The following CUX1 variants were observed in gnomAD, a reference collection of about 807,000 sequenced individuals.
CUX1 encodes protein CASP.
In CUX1, 31 loss-of-function variants were observed where a neutral mutation model predicts 158.8. That is an observed-to-expected ratio of 0.20 (90% CI 0.15 to 0.26). CUX1 has a LOEUF of 0.26. Among genes scored for constraint, CUX1 ranks in the 10% least tolerant of loss-of-function variants. CUX1 has a pLI of 1.00. For missense variants in CUX1, 1,589 were observed against 2,014.6 expected, an observed-to-expected ratio of 0.79 and a Z score of 4.04; for synonymous variants, 879 against 862.1, an observed-to-expected ratio of 1.02 and a Z score of -0.34.
intron 17 of CUX1, among the ~76,000 whole-genome samples, chr7:102,277,124 AC>A: frequency 6.6e-6 from 1 of 152,100 alleles, no homozygotes; most frequent in East Asian, 1.9e-4. Context: ...ACGCAGTGAG[AC>A]CCCGACTCTG....
rs981885165 is a variant in CUX1 at position 102,248,020 on chromosome 7, A to C, written c.3888-392A>C. Among the ~76,000 whole-genome samples, 1 of 152,048 alleles carries C rather than the reference A, an allele frequency of 6.6e-6. No homozygotes were observed. The highest frequency in any genetic ancestry group is 1.5e-5 in the Non-Finnish European group (1 of 68,000). ...GTAGTGGGTGACTGTAATCCCAGGTACTCTGGAGGCTGAGGCAGGAGAATC... is the reference window on the plus strand; with the variant it reads ...GTAGTGGGTGACTGTAATCCCAGGTCCTCTGGAGGCTGAGGCAGGAGAATC... On this transcript the variant is annotated intron_variant, in intron 23 of 23. Coordinates refer to ENST00000292535, the MANE Select transcript of CUX1 (RefSeq NM_181552.4). The surrounding 1 kb of genome is among the most constrained non-coding windows in gnomAD (Gnocchi z 5.8).
chr7:102,037,354 CTTTTT>C (rs769552921), intron 3 of CUX1, among the ~76,000 whole-genome samples: 3 of 139,456 alleles, frequency 2.2e-5, no homozygotes, highest in Admixed American at 7.2e-5. Context: ...CTTTTCTTTT[CTTTTT>C]TTTTTTTTTT....
exon 23 of CUX1, chr7:102,283,179 C>G (rs1388471843): frequency 1.5e-5 from 17 of 1,121,382 alleles, no homozygotes; most frequent in Non-Finnish European, 2.0e-5. Context: ...CCTGAAGAAT[C>G]CCCCATGGAA....
At chr7:102,227,951 C>CTTTTTTTTTTTTT (rs781968632) in intron 21 of CUX1, among the ~76,000 whole-genome samples, 5 of 117,294 alleles carry the variant, frequency 4.3e-5, no homozygotes, top group Middle Eastern at 4.6e-3. Context: ...TCTTTTTTTT[C>CTTTTTTTTTTTTT]TTTTTTTTTT....
At chr7:101,871,553 G>C (rs1046170950) in intron 1 of CUX1, among the ~76,000 whole-genome samples, 1 of 152,078 alleles carries the variant, frequency 6.6e-6, no homozygotes, top group African/African-American at 2.4e-5. Flanking sequence ...AGTGAGACAG[G>C]TACAGGAGTG....
chr7:102,013,006 C>T (rs1190903598), intron 2 of CUX1, among the ~76,000 whole-genome samples: 4 of 151,858 alleles, frequency 2.6e-5, no homozygotes, highest in Admixed American at 6.6e-5. Flanking sequence ...TAAATTCTTG[C>T]GGTAATCCTT....
rs143828750 is a variant in CUX1, at chr7:102,025,657, A to T, written c.142-2441A>T. 1.3e-3 allele frequency among the ~76,000 whole-genome samples: 202 copies of T among 152,274 alleles called. 1 individual carries two copies. The highest frequency in any genetic ancestry group is 4.8e-3 in the African/African-American group (198 of 41,560). The stretch of plus-strand genomic sequence containing the variant: ...GGGAAAAAAAAAAGATTGGTAAAGA[A>T]TCTGATTATTTTTTGTCCTGGAGCC... On this transcript the variant is annotated intron_variant, in intron 2 of 23. Transcript: ENST00000292535.
chr7:102,158,533 C>T (rs782108212), intron 8 of CUX1, 27 bp from the exon 9 acceptor site: 8 of 1,613,566 alleles, frequency 5.0e-6, no homozygotes, highest in Non-Finnish European at 6.8e-6. Context: ...TTGTGACTAA[C>T]CTGCTCTCTC....
intron 2 of CUX1, among the ~76,000 whole-genome samples, chr7:101,990,531 C>T (rs900850058): frequency 2.0e-5 from 3 of 152,244 alleles, no homozygotes; most frequent in South Asian, 4.1e-4. Flanking sequence ...TGCCCACCAC[C>T]ATGTCTGGCT....
chr7:101,908,497 C>T (rs1803024169), intron 1 of CUX1, among the ~76,000 whole-genome samples: 1 of 146,454 alleles, frequency 6.8e-6, no homozygotes, highest in South Asian at 2.2e-4. Context: ...TGAATAGAGA[C>T]AGAGTTTCAC....
chr7:101,989,126 C>G (rs1814748688), intron 2 of CUX1, among the ~76,000 whole-genome samples: 1 of 152,160 alleles, frequency 6.6e-6, no homozygotes, highest in Non-Finnish European at 1.5e-5. Flanking sequence ...CCTGCCCCTC[C>G]ATGAACCTTC....
chr7:102,157,007 G>C (rs572207808), intron 8 of CUX1, among the ~76,000 whole-genome samples: 2 of 152,362 alleles, frequency 1.3e-5, no homozygotes, highest in Admixed American at 6.5e-5. Context: ...GGAAGTAGGA[G>C]ATGAGGTTCC....
chr7:102,139,283 C>T (rs1554499576), intron 8 of CUX1, among the ~76,000 whole-genome samples: 1 of 149,768 alleles, frequency 6.7e-6, no homozygotes, highest in East Asian at 1.9e-4. Flanking sequence ...GGTATCAACT[C>T]GACACCCAGG....
rs531177877 is a variant in CUX1, at chr7:102,215,786, G to T, written c.3130+10616G>T. The stretch of plus-strand genomic sequence containing the variant: ...CACACCGGCGTGTTCCACGGGCCAT[G>T]ATCAGCCATGGATTCTCTGAGGAAT... On this transcript the variant is annotated intron_variant, in intron 20 of 23. Transcript: ENST00000292535. Among the ~76,000 whole-genome samples the T allele has an allele frequency of 1.5e-3, 236 of 152,314 alleles. 2 individuals carry two copies. The highest frequency in any genetic ancestry group is 3.4e-3 in the Middle Eastern group (1 of 294).
chr7:102,262,795 C>T (rs1456805409), downstream of CUX1, among the ~76,000 whole-genome samples: 6 of 152,134 alleles, frequency 3.9e-5, no homozygotes, highest in East Asian at 9.6e-4. Context: ...AGATGCTTGC[C>T]GCGGGGTAGT....
chr7:102,281,873 A>G (rs1554549361), exon 21 of CUX1: 6 of 1,613,430 alleles, frequency 3.7e-6, no homozygotes, highest in Non-Finnish European at 5.1e-6. Flanking sequence ...GATGGCGCGC[A>G]CCATCGGCTT....
At chr7:102,178,235 T>A (rs1358376276) in intron 10 of CUX1, among the ~76,000 whole-genome samples, 1 of 152,172 alleles carries the variant, frequency 6.6e-6, no homozygotes, top group Non-Finnish European at 1.5e-5. Flanking sequence ...ATATGGTTGG[T>A]ACATGGTAGG....
chr7:102,130,367 G>A (rs1486991246), intron 8 of CUX1, among the ~76,000 whole-genome samples: 2 of 152,070 alleles, frequency 1.3e-5, no homozygotes, highest in African/African-American at 2.4e-5. Flanking sequence ...TTCCTAAAGA[G>A]GGTTGGGAAA....
intron 3 of CUX1, among the ~76,000 whole-genome samples, chr7:102,050,836 G>A (rs868375869): frequency 6.6e-6 from 1 of 152,050 alleles, no homozygotes. Flanking sequence ...TCGAGTAGCT[G>A]GGACTATGGG....
Sources: gnomAD v4.1 joint callset for allele counts (sites outside exome capture counted in the v4.1 genomes callset) on GRCh38, gnomAD v4.1.1 for gene constraint, Gnocchi (gnomAD v3.1) non-coding constraint, MANE v1.5 for transcripts, NCBI Gene and HGNC (gene_info 2026-07-23, HGNC 2026-07-21) for gene names.